The following PINX1 variants were observed in gnomAD, a reference collection of about 807,000 sequenced individuals.
The protein encoded by PINX1 is PIN2 (TERF1) interacting telomerase inhibitor 1.
In PINX1, 34 loss-of-function variants were observed where a neutral mutation model predicts 25.4. The observed-to-expected ratio is 1.34, with a 90% CI of 1.02 to 1.78. The LOEUF (loss-of-function observed/expected upper bound fraction) is 1.78, where lower values mean the gene tolerates loss of function less well. Ranked by LOEUF, PINX1 falls within the 40% of genes most tolerant of loss-of-function variation. PINX1 has a pLI of 0.00. For synonymous variants in PINX1, 197 were observed against 147.7 expected (o/e 1.33, Z -2.42); for missense variants, 592 against 404.9 (o/e 1.46, Z -3.97).
chr8:10,787,545 A>G (rs1801790923), intron 6 of PINX1: 1 of 211,360 alleles, frequency 4.7e-6, no homozygotes. Context: ...TCTATTTGAC[A>G]TTAGTATTTT....
Position 10,786,304 on chromosome 8 carries a change from G to C in PINX1, c.472-20388C>G, listed in dbSNP as rs12115008. Among the ~76,000 whole-genome samples, 343 of 152,302 alleles carry C rather than the reference G, an allele frequency of 2.3e-3. 1 individual carries two copies. The highest frequency in any genetic ancestry group is 8.1e-3 in the African/African-American group (337 of 41,562). ...ATACCTTCCTGAAGCCAATACAAAAGTGAAGAGGCCTTCCTATTCTCTTGC... is the reference window on the plus strand; with the variant it reads ...ATACCTTCCTGAAGCCAATACAAAACTGAAGAGGCCTTCCTATTCTCTTGC... On this transcript the variant is annotated intron_variant, in intron 6 of 6. Transcript: ENST00000314787.
chr8:10,825,277 C>A, intron 5 of PINX1: 1 of 524,552 alleles, frequency 1.9e-6, no homozygotes. Context: ...GCATGACATT[C>A]CTAGAAGACC....
chr8:10,799,310 T>C (rs1206965235), intron 6 of PINX1, among the ~76,000 whole-genome samples: 2 of 152,196 alleles, frequency 1.3e-5, no homozygotes, highest in Non-Finnish European at 2.9e-5. Context: ...GTTGAGACTT[T>C]AAAGGGTGTG....
chr8:10,794,100 C>A (rs918403918), intron 6 of PINX1, among the ~76,000 whole-genome samples: 1 of 152,084 alleles, frequency 6.6e-6, no homozygotes. Flanking sequence ...GGTGTCGTCA[C>A]CAGAATAACT....
At position 10,777,968 on chromosome 8, in the gene PINX1, G is replaced by A. The variant is rs577378454; in HGVS notation, c.472-12052C>T. ...GGGGCCAGGACACACTTGCTCACAC[G>A]GGATAATCCGCCTCACAGTGCAAAG... On this transcript the variant is annotated intron_variant, in intron 6 of 6. Transcript: ENST00000314787. Among the ~76,000 whole-genome samples, 182 of 152,302 alleles carry A rather than the reference G, an allele frequency of 1.2e-3. 2 individuals carry two copies. Among genetic ancestry groups the A allele is most frequent in the African/African-American group, 4.2e-3 (174 of 41,576 alleles).
At chr8:10,788,681 G>A (rs561092847) in intron 6 of PINX1, among the ~76,000 whole-genome samples, 135 of 152,340 alleles carry the variant, frequency 8.9e-4, no homozygotes, top group African/African-American at 3.2e-3. Context: ...AGTGGTCACA[G>A]AAAGTGGCCT....
At chr8:10,779,458 CATA>C (rs34247687) in intron 6 of PINX1, among the ~76,000 whole-genome samples, 9,140 of 152,194 alleles carry the variant, frequency 0.06, 324 homozygotes, top group Middle Eastern at 0.11. Context: ...TGACTGAAAA[CATA>C]ATAATTTAAC....
At chr8:10,827,135 C>G (rs538815310) in intron 4 of PINX1, among the ~76,000 whole-genome samples, 12 of 152,180 alleles carry the variant, frequency 7.9e-5, no homozygotes, top group Non-Finnish European at 1.6e-4. Flanking sequence ...GTTCAGGACT[C>G]TCTGAATTAT....
chr8:10,789,643 CAT>C (rs772354859), intron 6 of PINX1, among the ~76,000 whole-genome samples: 3 of 152,212 alleles, frequency 2.0e-5, no homozygotes, highest in African/African-American at 4.8e-5. Flanking sequence ...ATAAACAACA[CAT>C]GTCACAGGCC....
intron 6 of PINX1, among the ~76,000 whole-genome samples, chr8:10,776,406 C>A (rs538942123): frequency 8.0e-5 from 12 of 150,894 alleles, no homozygotes; most frequent in African/African-American, 2.9e-4. Flanking sequence ...GCCTGGGTAA[C>A]AGAGTGAGAC....
chr8:10,823,024 A>C (rs1410573674), intron 5 of PINX1, among the ~76,000 whole-genome samples: 3 of 152,368 alleles, frequency 2.0e-5, no homozygotes, highest in East Asian at 3.9e-4. Context: ...GGGTAACTCC[A>C]CTAAAAGACA....
intron 6 of PINX1, among the ~76,000 whole-genome samples, chr8:10,800,232 T>G (rs1293915011): frequency 6.6e-6 from 1 of 152,252 alleles, no homozygotes; most frequent in Non-Finnish European, 1.5e-5. Flanking sequence ...TTCTTAAGGA[T>G]TCATGAACAA....
intron 6 of PINX1, among the ~76,000 whole-genome samples, chr8:10,767,670 T>C (rs73544348): frequency 0.12 from 18,152 of 151,490 alleles, 1,673 homozygotes; most frequent in African/African-American, 0.25. Context: ...CACGAGCCAA[T>C]CCCAGGCTCA....
At chr8:10,821,632 G>A (rs1359216121) in intron 5 of PINX1, among the ~76,000 whole-genome samples, 2 of 152,188 alleles carry the variant, frequency 1.3e-5, no homozygotes, top group African/African-American at 4.8e-5. Flanking sequence ...TGGTTGTAGC[G>A]GGAAGAGGTG....
Position 10,839,871 on chromosome 8 carries a change from C to G in PINX1, c.-115G>C. On this transcript the variant is annotated 5_prime_UTR_variant, in exon 1 of 7. Coordinates refer to ENST00000314787, the MANE Select transcript of PINX1 (RefSeq NM_017884.6). ...TAACTCCCTCGCCGGCGGACTGCAGCGGACGGGGCGCGTGCTGGTGACGTC... is the reference window on the plus strand; with the variant it reads ...TAACTCCCTCGCCGGCGGACTGCAGGGGACGGGGCGCGTGCTGGTGACGTC... 1 of 1,023,428 alleles carries G rather than the reference C, an allele frequency of 9.8e-7. No individual in the cohort carries two copies. Among genetic ancestry groups the G allele is most frequent in the South Asian group, 1.6e-5 (1 of 61,526 alleles). 63.4% of individuals were successfully genotyped at this position (1,023,428 alleles called of 1,614,324 possible).
rs796143804 is a variant in PINX1 at position 10,793,703 on chromosome 8, GA to G, written c.471+26489del. On this transcript the variant is annotated intron_variant, in intron 6 of 6. Transcript: ENST00000314787. ...TAAAGGTCATTAATTTCAATAGCCA[GA>G]AAAAAAAAAAGACCTTACTTGAAAA... 7.7e-3 allele frequency among the ~76,000 whole-genome samples: 1,089 copies of G among 141,390 alleles called. 15 individuals carry two copies. The highest frequency in any genetic ancestry group is 0.026 in the African/African-American group (1,002 of 38,714). The allele number at this position is 141,390 out of a possible 152,430, so 92.8% of individuals were successfully genotyped here. A position where few individuals can be genotyped will look rare whatever the true frequency, so the allele number is the denominator to read the frequency against.
intron 5 of PINX1, among the ~76,000 whole-genome samples, chr8:10,823,329 T>C (rs1434281144): frequency 6.6e-6 from 1 of 152,152 alleles, no homozygotes; most frequent in African/African-American, 2.4e-5. Flanking sequence ...ATTCCCAGGA[T>C]AAAGCTGCAC....
chr8:10,829,285 C>CAA lies in PINX1; in HGVS notation c.301+2378_301+2379dup, dbSNP rs57684473. Among the ~76,000 whole-genome samples, 120 of 90,234 alleles carry CAA rather than the reference C, an allele frequency of 1.3e-3. 2 individuals carry two copies. The highest frequency in any genetic ancestry group is 3.4e-3 in the African/African-American group (84 of 24,670). 59.2% of individuals were successfully genotyped at this position (90,234 alleles called of 152,430 possible). On this transcript the variant is annotated intron_variant, in intron 4 of 6. Coordinates refer to ENST00000314787, the MANE Select transcript of PINX1 (RefSeq NM_017884.6). ...TGGGCCACAGAGCAAGACTCCATCT[C>CAA]AAAAAAAAAAAAAAAAAAAAGAGAG...
intron 6 of PINX1, among the ~76,000 whole-genome samples, chr8:10,801,665 G>A (rs929225620): frequency 1.3e-5 from 2 of 152,174 alleles, no homozygotes; most frequent in Admixed American, 6.5e-5. Flanking sequence ...CAGTGACAGA[G>A]CTGGGACTTG....
Sources: allele counts gnomAD v4.1 joint callset (sites outside exome capture counted in the v4.1 genomes callset), GRCh38; gene constraint gnomAD v4.1.1; transcripts MANE v1.5; gene names NCBI Gene and HGNC (gene_info 2026-07-23, HGNC 2026-07-21).